Variants in EFR3A observed in about 807,000 individuals in gnomAD.
EFR3A encodes EFR3 homolog A.
In EFR3A, 76 loss-of-function variants were observed where a neutral mutation model predicts 104.4. The ratio of observed to expected loss-of-function variants is 0.73; its 90% CI spans 0.60 to 0.88. The LOEUF (loss-of-function observed/expected upper bound fraction) is 0.88. Ranked by LOEUF, EFR3A falls within the 40% of genes least tolerant of loss-of-function variation. The pLI, the probability that EFR3A is intolerant of heterozygous loss-of-function variation, is 0.00. For missense variants in EFR3A, 985 were observed against 1,012.5 expected (o/e 0.97, Z 0.37); for synonymous variants, 330 against 330.0 (o/e 1.00, Z 0.00).
rs950976750 is a variant in EFR3A at position 131,909,004 on chromosome 8, C to T, written c.10+4682C>T. On this transcript the variant is annotated intron_variant, in intron 1 of 22. Coordinates refer to ENST00000254624, the MANE Select transcript of EFR3A (RefSeq NM_015137.6). ...ATGTGTTGGGAACATTTCAAATCCT[C>T]TCTTCTAGCTACTTTGAAATATACA... is the stretch of plus-strand genomic sequence containing the variant. Among the ~76,000 whole-genome samples the T allele has an allele frequency of 6.6e-5, 10 of 152,314 alleles. 1 individual carries two copies. The highest frequency in any genetic ancestry group is 3.9e-4 in the Admixed American group (6 of 15,290).
At chr8:131,921,515 A>G (rs1413277707) in intron 1 of EFR3A, among the ~76,000 whole-genome samples, 1 of 152,206 alleles carries the variant, frequency 6.6e-6, no homozygotes, top group Non-Finnish European at 1.5e-5. Context: ...ACAGAGGTAT[A>G]TCAGACATGA....
intron 9 of EFR3A, among the ~76,000 whole-genome samples, chr8:131,969,856 G>T (rs148383627): frequency 6.6e-6 from 1 of 152,086 alleles, no homozygotes; most frequent in East Asian, 1.9e-4. Flanking sequence ...ATTTAAACAC[G>T]GCTGCCTTTC....
At chr8:131,908,295 C>T (rs1724784482) in intron 1 of EFR3A, among the ~76,000 whole-genome samples, 1 of 152,160 alleles carries the variant, frequency 6.6e-6, no homozygotes, top group Admixed American at 6.5e-5. Flanking sequence ...CTCCTGACCT[C>T]GTGATCCACC....
In EFR3A at chr8:131,975,937, CATATTGAAAACTTT is replaced by C. The variant is rs1367782421; in HGVS notation, c.1160-89_1160-76del. On this transcript the variant is annotated intron_variant, in intron 10 of 22. Transcript: ENST00000254624. Reference sequence around the variant, plus strand: ...AGACTTGTGAGGGATTGTTTTACCACATATTGAAAACTTTGGCTAAAAATAATTTTGTATTATAT... The same window carrying C: ...AGACTTGTGAGGGATTGTTTTACCACGGCTAAAAATAATTTTGTATTATAT... 281 of 712,194 alleles carry C rather than the reference CATATTGAAAACTTT, an allele frequency of 3.9e-4. 1 individual carries two copies. In the East Asian group the frequency reaches 7.5e-3, roughly 19 times the overall value. The allele number at this position is 712,194 out of a possible 1,614,324, so 44.1% of individuals were successfully genotyped here.
intron 7 of EFR3A, among the ~76,000 whole-genome samples, chr8:131,957,076 T>G (rs902055424): frequency 6.6e-5 from 10 of 152,160 alleles, no homozygotes; most frequent in African/African-American, 2.4e-4. Context: ...ACATAGAACT[T>G]AAAATTTCTG....
At chr8:131,916,208 A>G (rs1463738135) in intron 1 of EFR3A, among the ~76,000 whole-genome samples, 2 of 152,236 alleles carry the variant, frequency 1.3e-5, no homozygotes, top group Non-Finnish European at 2.9e-5. Flanking sequence ...CATGTAAGTG[A>G]GCCTGGAGGA....
chr8:131,915,558 A>G (rs940938333), intron 1 of EFR3A, among the ~76,000 whole-genome samples: 2 of 152,244 alleles, frequency 1.3e-5, no homozygotes, highest in African/African-American at 4.8e-5. Flanking sequence ...ATAAATTGCT[A>G]TAACACAGAG....
intron 18 of EFR3A, 130 bp downstream of exon 18, chr8:131,987,832 C>T (rs1820969807): frequency 1.1e-6 from 1 of 947,710 alleles, no homozygotes; most frequent in Non-Finnish European, 1.5e-6. Context: ...TTTTCAAATG[C>T]TTAAGAGTAT....
At chr8:131,976,472 T>C (rs1267800544) in intron 11 of EFR3A, among the ~76,000 whole-genome samples, 1 of 152,134 alleles carries the variant, frequency 6.6e-6, no homozygotes, top group African/African-American at 2.4e-5. Context: ...ATCAGAAATA[T>C]TGGCTTATTC....
intron 16 of EFR3A, among the ~76,000 whole-genome samples, chr8:131,985,357 C>T (rs971267113): frequency 6.6e-6 from 1 of 152,048 alleles, no homozygotes; most frequent in Non-Finnish European, 1.5e-5. Flanking sequence ...ACCCTTATGA[C>T]TCTTAGTATG....
At chr8:131,961,900 A>G (rs1409239103) in intron 8 of EFR3A, among the ~76,000 whole-genome samples, 4 of 152,238 alleles carry the variant, frequency 2.6e-5, no homozygotes, top group African/African-American at 4.8e-5. Flanking sequence ...GTGGGGGCCA[A>G]TATTCAACAT....
rs1816285773 is a variant in EFR3A, at chr8:131,906,810, C to T, written c.10+2488C>T. 1.3e-5 allele frequency among the ~76,000 whole-genome samples: 2 copies of T among 152,188 alleles called. 1 individual carries two copies. Among genetic ancestry groups the T allele is most frequent in the Admixed American group, 1.3e-4 (2 of 15,282 alleles). ...AGGCACAGATTTCAAGACTATGCTGCTGAATGCTGTTGCAAACCTGTAAAC... is the reference window on the plus strand; with the variant it reads ...AGGCACAGATTTCAAGACTATGCTGTTGAATGCTGTTGCAAACCTGTAAAC... On this transcript the variant is annotated intron_variant, in intron 1 of 22. Transcript: ENST00000254624.
chr8:131,910,813 T>G (rs1295683441), intron 1 of EFR3A, among the ~76,000 whole-genome samples: 1 of 152,218 alleles, frequency 6.6e-6, no homozygotes, highest in Non-Finnish European at 1.5e-5. Flanking sequence ...TGTGGTGGGA[T>G]GGATTGCAGT....
At chr8:131,918,797 C>T (rs761305578) in intron 1 of EFR3A, among the ~76,000 whole-genome samples, 2 of 152,112 alleles carry the variant, frequency 1.3e-5, no homozygotes, top group Admixed American at 6.5e-5. Context: ...ACTTTTGTTG[C>T]TCTGTGACTA....
intron 1 of EFR3A, among the ~76,000 whole-genome samples, chr8:131,939,428 G>A (rs1818060593): frequency 6.6e-6 from 1 of 152,086 alleles, no homozygotes; most frequent in Non-Finnish European, 1.5e-5. Flanking sequence ...GACATTGTTT[G>A]CATTCCAAGG....
intron 1 of EFR3A, among the ~76,000 whole-genome samples, chr8:131,930,877 T>C (rs775224217): frequency 1.2e-4 from 18 of 152,292 alleles, no homozygotes; most frequent in Non-Finnish European, 2.5e-4. Flanking sequence ...TATTGTAATA[T>C]ATAAGATGAT....
chr8:131,910,667 T>C (rs1052727798), intron 1 of EFR3A, among the ~76,000 whole-genome samples: 2 of 152,236 alleles, frequency 1.3e-5, no homozygotes, highest in African/African-American at 4.8e-5. Flanking sequence ...GACAGTCCTC[T>C]GTGTTTCGCA....
intron 9 of EFR3A, 103 bp downstream of exon 9, chr8:131,968,533 A>G: frequency 2.4e-6 from 3 of 1,230,344 alleles, no homozygotes; most frequent in Non-Finnish European, 3.3e-6. Flanking sequence ...ATATTTCTAC[A>G]CATTTTTCGG....
At chr8:131,999,654 A>G (rs985634628) in intron 19 of EFR3A, among the ~76,000 whole-genome samples, 2 of 152,148 alleles carry the variant, frequency 1.3e-5, no homozygotes, top group Non-Finnish European at 2.9e-5. Context: ...CAGCTATGGT[A>G]TATAAAAATA....
Sources: gnomAD v4.1 joint callset for allele counts (sites outside exome capture counted in the v4.1 genomes callset) on GRCh38, gnomAD v4.1.1 for gene constraint, MANE v1.5 for transcripts, NCBI Gene and HGNC (gene_info 2026-07-23, HGNC 2026-07-21) for gene names.